Variants in NSD1 observed in about 807,000 individuals in gnomAD.
NSD1 encodes the protein nuclear receptor binding SET domain protein 1, also known as histone-lysine N-methyltransferase, H3 lysine-36 specific.
NSD1 carries 26 observed loss-of-function variants against 242.7 expected under a neutral mutation model. The observed-to-expected ratio is 0.11, with a 90% CI of 0.08 to 0.15. The LOEUF (loss-of-function observed/expected upper bound fraction) is 0.15. Ranked by LOEUF, NSD1 falls within the 10% of genes least tolerant of loss-of-function variation. The pLI is 1.00. For synonymous variants in NSD1, 1,106 were observed against 1,178.1 expected (o/e 0.94, Z 1.25); for missense variants, 2,495 against 3,272.8 (o/e 0.76, Z 5.80).
At chr5:177,153,889 CTCTATCAGT>C (rs1453773258) in intron 2 of NSD1, among the ~76,000 whole-genome samples, 2 of 152,116 alleles carry the variant, frequency 1.3e-5, no homozygotes, top group Non-Finnish European at 2.9e-5. Context: ...ATGTTTTCTG[CTCTATCAGT>C]TATCCCTTCT....
In NSD1 at chr5:177,295,550, A is replaced by G. The variant is rs1457494637; in HGVS notation, c.*91A>G. Reference sequence around the variant, plus strand: ...TTCTTTCTTTCCCCCTTAAAAAAAAACACATCTGCCCCGAACACTTTCCCA... The same window carrying G: ...TTCTTTCTTTCCCCCTTAAAAAAAAGCACATCTGCCCCGAACACTTTCCCA... On this transcript the variant is annotated 3_prime_UTR_variant, in exon 23 of 23. Transcript: ENST00000439151. This position sits in a 1 kb window ranked among gnomAD's most constrained non-coding sequence, Gnocchi z 4.3. 3.1e-6 allele frequency: 4 copies of G among 1,307,600 alleles called. No homozygotes were observed. The highest frequency in any genetic ancestry group is 4.3e-6 in the Non-Finnish European group (4 of 925,132). The allele number at this position is 1,307,600 out of a possible 1,614,324, so 81.0% of individuals were successfully genotyped here.
intron 4 of NSD1, among the ~76,000 whole-genome samples, chr5:177,207,929 T>C (rs1186208273): frequency 6.6e-6 from 1 of 151,474 alleles, no homozygotes; most frequent in Non-Finnish European, 1.5e-5. Flanking sequence ...TGTGCGTGTG[T>C]GTGTGTGTGT....
rs920642698 is a variant in NSD1 at position 177,297,585 on chromosome 5, T to C, written c.*2126T>C. ...TCAGAAAAAGGTATCTGCACTGCAC[T>C]GTCAGAGTCTCCTTTCACTATGTTG... On this transcript the variant is annotated 3_prime_UTR_variant, in exon 23 of 23. Transcript: ENST00000439151. 1.1e-4 allele frequency: 25 copies of C among 224,332 alleles called. No homozygotes were observed. The highest frequency in any genetic ancestry group is 4.8e-4 in the African/African-American group (21 of 43,864). 13.9% of individuals were successfully genotyped at this position (224,332 alleles called of 1,614,324 possible).
At chr5:177,200,818 CAG>C (rs1239013538) in intron 3 of NSD1, among the ~76,000 whole-genome samples, 2 of 152,060 alleles carry the variant, frequency 1.3e-5, no homozygotes, top group African/African-American at 4.8e-5. Context: ...ATTCATCCAT[CAG>C]AGAACATTTG....
At position 177,181,033 on chromosome 5, in the gene NSD1, AT is replaced by A. The variant is rs571745814; in HGVS notation, c.928-10850del. ...TTGCATTTTGTAGATGAGCAAAAAA[AT>A]GTGGTTTCTTTTTTTTTTTTTTGAG... is the stretch of plus-strand genomic sequence containing the variant. On this transcript the variant is annotated intron_variant, in intron 2 of 22. Transcript: ENST00000439151. 4.6e-3 allele frequency among the ~76,000 whole-genome samples: 675 copies of A among 147,850 alleles called. 6 individuals carry two copies. The highest frequency in any genetic ancestry group is 0.016 in the African/African-American group (643 of 40,118).
At chr5:177,250,088 A>G (rs1440011446) in intron 11 of NSD1, among the ~76,000 whole-genome samples, 5 of 152,210 alleles carry the variant, frequency 3.3e-5, no homozygotes, top group Admixed American at 2.6e-4. Context: ...TCTCACAAAT[A>G]ATAAATAGTA....
intron 2 of NSD1, among the ~76,000 whole-genome samples, chr5:177,144,926 CA>C (rs1195632917): frequency 2.4e-3 from 362 of 150,328 alleles, no homozygotes; most frequent in African/African-American, 8.4e-3. Flanking sequence ...ACTGAAAATA[CA>C]AAAAAAAATT....
intron 12 of NSD1, among the ~76,000 whole-genome samples, chr5:177,252,539 CTTTTTTTTTTTT>C (rs70991600): frequency 9.3e-4 from 44 of 47,430 alleles, no homozygotes; most frequent in African/African-American, 2.9e-3. Context: ...GTAAAGTGTT[CTTTTTTTTTTTT>C]TTTTTTTTTT....
chr5:177,226,652 A>G (rs1477872096), intron 5 of NSD1, among the ~76,000 whole-genome samples: 1 of 152,138 alleles, frequency 6.6e-6, no homozygotes, highest in East Asian at 1.9e-4. Context: ...GCGATATCTC[A>G]TAGTATTCCA....
chr5:177,219,376 G>A (rs1029759904), intron 5 of NSD1, among the ~76,000 whole-genome samples: 12 of 151,438 alleles, frequency 7.9e-5, no homozygotes, highest in African/African-American at 2.4e-4. Flanking sequence ...TAGTAGAGAC[G>A]GGGTTTCACT....
chr5:177,181,426 GGTTTTT>G (rs1177661496), intron 2 of NSD1, among the ~76,000 whole-genome samples: 6 of 119,776 alleles, frequency 5.0e-5, no homozygotes, highest in South Asian at 2.5e-4. Context: ...GTTTTTTTTT[GGTTTTT>G]TTTTTTTTTT....
At chr5:177,258,621 C>T (rs1756730466) in intron 13 of NSD1, among the ~76,000 whole-genome samples, 1 of 151,926 alleles carries the variant, frequency 6.6e-6, no homozygotes, top group Non-Finnish European at 1.5e-5. Context: ...CTGCAACCTC[C>T]ACCACCTGGG....
chr5:177,295,785 T>G lies in NSD1; in HGVS notation c.*326T>G. ...CAAGTATGGAATTCAATTCCGCTGG[T>G]CAGGTTGGAAGGTATAGGGGCTCTC... is the stretch of plus-strand genomic sequence containing the variant. On this transcript the variant is annotated 3_prime_UTR_variant, in exon 23 of 23. Coordinates refer to ENST00000439151, the MANE Select transcript of NSD1 (RefSeq NM_022455.5). This position sits in a 1 kb window ranked among gnomAD's most constrained non-coding sequence, Gnocchi z 4.3. 2.1e-6 allele frequency: 1 copy of G among 485,132 alleles called. No individual in the cohort carries two copies. The highest frequency in any genetic ancestry group is 2.1e-5 in the South Asian group (1 of 47,842). The allele number at this position is 485,132 out of a possible 1,614,324, so 30.1% of individuals were successfully genotyped here. A position where few individuals can be genotyped will look rare whatever the true frequency, so the allele number is the denominator to read the frequency against.
chr5:177,258,672 A>G (rs1165903306), intron 13 of NSD1, among the ~76,000 whole-genome samples: 1 of 151,898 alleles, frequency 6.6e-6, no homozygotes, highest in Non-Finnish European at 1.5e-5. Flanking sequence ...ACTAGCTGGG[A>G]TTACAGGCAC....
intron 6 of NSD1, among the ~76,000 whole-genome samples, chr5:177,236,989 A>G (rs528883171): frequency 1.3e-5 from 2 of 152,186 alleles, no homozygotes; most frequent in East Asian, 3.9e-4. Flanking sequence ...GGTGCACACT[A>G]CCACACCTGG....
chr5:177,222,328 C>T (rs769427607), intron 5 of NSD1, among the ~76,000 whole-genome samples: 1 of 152,136 alleles, frequency 6.6e-6, no homozygotes, highest in African/African-American at 2.4e-5. Flanking sequence ...AGAGTTTCAC[C>T]ATGTTGACCA....
intron 5 of NSD1, among the ~76,000 whole-genome samples, chr5:177,217,022 A>T (rs1433447107): frequency 6.7e-6 from 1 of 149,024 alleles, no homozygotes; most frequent in Non-Finnish European, 1.5e-5. Flanking sequence ...AATTTAGGAT[A>T]GTTTTTTTAT....
In NSD1 at chr5:177,283,768, G is replaced by C; in HGVS notation, c.6010-19G>C. 6.2e-7 allele frequency: 1 copy of C among 1,613,940 alleles called. No homozygotes were observed. The highest frequency in any genetic ancestry group is 8.5e-7 in the Non-Finnish European group (1 of 1,179,874). Reference sequence around the variant, plus strand: ...GAGGTCTCAGGAAGTCTGATGTGTAGCTTCTTTTGGAATTCTAGGACCGAA... The same window carrying C: ...GAGGTCTCAGGAAGTCTGATGTGTACCTTCTTTTGGAATTCTAGGACCGAA... On this transcript the variant is annotated intron_variant, in intron 19 of 22. Transcript: ENST00000439151.
chr5:177,225,729 A>G (rs1764585201), intron 5 of NSD1, among the ~76,000 whole-genome samples: 1 of 151,990 alleles, frequency 6.6e-6, no homozygotes, highest in Non-Finnish European at 1.5e-5. Context: ...ATAGTTCACA[A>G]TTTTCGTTCA....
Sources: gnomAD v4.1 joint callset for allele counts (sites outside exome capture counted in the v4.1 genomes callset) on GRCh38, gnomAD v4.1.1 for gene constraint, Gnocchi (gnomAD v3.1) non-coding constraint, MANE v1.5 for transcripts, NCBI Gene and HGNC (gene_info 2026-07-23, HGNC 2026-07-21) for gene names.